Variants in OPCML observed in about 807,000 individuals in gnomAD.
OPCML encodes opioid-binding protein/cell adhesion molecule.
A neutral mutation model predicts 37.8 loss-of-function variants in OPCML; 13 were observed. The observed-to-expected ratio is 0.34, with a 90% CI of 0.22 to 0.55. The LOEUF (loss-of-function observed/expected upper bound fraction) is 0.55, where lower values mean the gene tolerates loss of function less well. Ranked by LOEUF, OPCML falls within the 20% of genes least tolerant of loss-of-function variation. The pLI is 0.91. For synonymous variants in OPCML, 176 were observed against 168.8 expected, an observed-to-expected ratio of 1.04 and a Z score of -0.33; for missense variants, 341 against 435.6, an observed-to-expected ratio of 0.78 and a Z score of 1.93.
chr11:133,119,937 G>T (rs866896945), intron 1 of OPCML, among the ~76,000 whole-genome samples: 1 of 152,110 alleles, frequency 6.6e-6, no homozygotes, highest in Non-Finnish European at 1.5e-5. Flanking sequence ...GCAGATGCAG[G>T]CTCTTCCTGC....
At chr11:132,904,109 A>G (rs1293492413) in intron 2 of OPCML, among the ~76,000 whole-genome samples, 1 of 152,092 alleles carries the variant, frequency 6.6e-6, no homozygotes, top group Non-Finnish European at 1.5e-5. Context: ...AGTGTGGGGG[A>G]AAAGGGGAGA....
At position 133,386,485 on chromosome 11, in the gene OPCML, T is replaced by G. The variant is rs191147017; in HGVS notation, c.61+145779A>C. Among the ~76,000 whole-genome samples the G allele has an allele frequency of 6.6e-5, 10 of 152,274 alleles. No individual in the cohort carries two copies. In the East Asian group the frequency reaches 1.9e-3, roughly 29 times the overall value. ...CCAGCTCCCAACAACGGCACTTCCTTTTTCTGTCTCACAAGCGCTCCCCTC... is the reference window on the plus strand; with the variant it reads ...CCAGCTCCCAACAACGGCACTTCCTGTTTCTGTCTCACAAGCGCTCCCCTC... On this transcript the variant is annotated intron_variant, in intron 1 of 7. Transcript: ENST00000524381.
chr11:132,827,877 C>T (rs4937728), intron 2 of OPCML, among the ~76,000 whole-genome samples: 63,823 of 151,556 alleles, frequency 0.42, 13,665 homozygotes, highest in South Asian at 0.48. Context: ...ATGATCTGCC[C>T]GCCTCGGCCT....
chr11:133,367,489 C>A (rs1944571941), intron 1 of OPCML, among the ~76,000 whole-genome samples: 1 of 152,164 alleles, frequency 6.6e-6, no homozygotes, highest in Admixed American at 6.5e-5. Flanking sequence ...GAAGATGGCA[C>A]CACTTTCAAC....
At chr11:133,497,167 T>C (rs1469725757) in intron 1 of OPCML, among the ~76,000 whole-genome samples, 1 of 152,204 alleles carries the variant, frequency 6.6e-6, no homozygotes, top group African/African-American at 2.4e-5. Context: ...TTTGGTCGTT[T>C]AACATAATCC....
intron 1 of OPCML, among the ~76,000 whole-genome samples, chr11:132,945,995 G>A (rs1035180296): frequency 6.6e-5 from 10 of 152,186 alleles, no homozygotes; most frequent in African/African-American, 2.4e-4. Flanking sequence ...TGTTAGTCAG[G>A]ATGGTTTCGA....
intron 1 of OPCML, among the ~76,000 whole-genome samples, chr11:132,974,385 C>G (rs1488650829): frequency 6.6e-6 from 1 of 152,164 alleles, no homozygotes; most frequent in Non-Finnish European, 1.5e-5. Context: ...CAAAGTTCTT[C>G]CTATGGTCAC....
intron 1 of OPCML, among the ~76,000 whole-genome samples, chr11:133,256,239 GT>G: frequency 6.6e-6 from 1 of 152,286 alleles, no homozygotes; most frequent in East Asian, 1.9e-4. Context: ...GAACCCAACT[GT>G]TTGGAGTTCA....
intron 1 of OPCML, among the ~76,000 whole-genome samples, chr11:133,015,130 T>G (rs906681346): frequency 5.9e-5 from 9 of 152,050 alleles, no homozygotes; most frequent in African/African-American, 2.2e-4. Flanking sequence ...GTAATAAATT[T>G]ACATAGATCT....
chr11:133,008,104 T>A (rs1947147167), intron 1 of OPCML: 1 of 985,350 alleles, frequency 1.0e-6, no homozygotes, highest in African/African-American at 1.7e-5. Context: ...TTTCACCTTC[T>A]ACTATGGATC....
At chr11:133,078,962 A>G (rs1381641500) in intron 1 of OPCML, among the ~76,000 whole-genome samples, 1 of 152,104 alleles carries the variant, frequency 6.6e-6, no homozygotes, top group Non-Finnish European at 1.5e-5. Flanking sequence ...AGGCCACGTG[A>G]ATCTTTTTTA....
At chr11:132,781,952 ATATT>A (rs1222378141) in intron 2 of OPCML, among the ~76,000 whole-genome samples, 2 of 60,372 alleles carry the variant, frequency 3.3e-5, no homozygotes, top group Non-Finnish European at 7.4e-5. Context: ...ATATATATAT[ATATT>A]TTTTTTTTTT....
intron 4 of OPCML, among the ~76,000 whole-genome samples, chr11:132,502,248 C>A (rs536331837): frequency 6.6e-6 from 1 of 152,338 alleles, no homozygotes; most frequent in East Asian, 1.9e-4. Context: ...CTACAGGCTT[C>A]TCTCCACCCA....
chr11:133,092,490 G>A (rs1948921366), intron 1 of OPCML, among the ~76,000 whole-genome samples: 1 of 152,108 alleles, frequency 6.6e-6, no homozygotes, highest in Non-Finnish European at 1.5e-5. Flanking sequence ...TGGGAGGGAA[G>A]CTGAGGCGGG....
chr11:132,784,586 T>TC (rs967024842), intron 2 of OPCML, among the ~76,000 whole-genome samples: 5 of 151,942 alleles, frequency 3.3e-5, no homozygotes, highest in African/African-American at 7.3e-5. Context: ...GAATGCTTTG[T>TC]CCCCCCCACC....
intron 1 of OPCML, among the ~76,000 whole-genome samples, chr11:133,488,529 A>G (rs1476795454): frequency 6.6e-6 from 1 of 152,178 alleles, no homozygotes; most frequent in Non-Finnish European, 1.5e-5. Context: ...TAAAATATCT[A>G]GGAATATATG....
At chr11:132,674,178 A>C (rs1942600922) in intron 2 of OPCML, among the ~76,000 whole-genome samples, 1 of 152,218 alleles carries the variant, frequency 6.6e-6, no homozygotes, top group South Asian at 2.1e-4. Flanking sequence ...TCCTCTAGGC[A>C]CTGCGTTCAC....
chr11:133,530,435 C>T (rs1033701637), intron 1 of OPCML, among the ~76,000 whole-genome samples: 4 of 152,256 alleles, frequency 2.6e-5, no homozygotes, highest in East Asian at 1.9e-4. Flanking sequence ...ATCTTTGCTC[C>T]AGCACAGTGA....
chr11:132,908,992 T>C (rs1020926315), intron 2 of OPCML, among the ~76,000 whole-genome samples: 1 of 152,048 alleles, frequency 6.6e-6, no homozygotes, highest in Non-Finnish European at 1.5e-5. Context: ...CGGAAGAGCG[T>C]CGCTCAGGGG....
Sources: allele counts gnomAD v4.1 joint callset (sites outside exome capture counted in the v4.1 genomes callset), GRCh38; gene constraint gnomAD v4.1.1; transcripts MANE v1.5; gene names NCBI Gene and HGNC (gene_info 2026-07-23, HGNC 2026-07-21).